Variants in IL1RAPL2 observed in about 807,000 individuals in gnomAD.
IL1RAPL2 encodes the protein interleukin 1 receptor accessory protein like 2, also known as X-linked interleukin-1 receptor accessory protein-like 2.
A neutral mutation model predicts 44.1 loss-of-function variants in IL1RAPL2; 3 were observed. The ratio of observed to expected loss-of-function variants is 0.07; its 90% CI spans 0.03 to 0.18. The LOEUF is 0.18. Among genes scored for constraint, IL1RAPL2 ranks in the 10% least tolerant of loss-of-function variants. The pLI, the probability that IL1RAPL2 is intolerant of heterozygous loss-of-function variation, is 1.00. For missense variants in IL1RAPL2, 391 were observed against 496.4 expected (o/e 0.79, Z 2.02); for synonymous variants, 181 against 178.8 (o/e 1.01, Z -0.10).
chrX:104,914,072 TA>T (rs1455988808), intron 2 of IL1RAPL2, among the ~76,000 whole-genome samples: 3 of 111,681 alleles, frequency 2.7e-5, no homozygotes, highest in Non-Finnish European at 5.6e-5. Flanking sequence ...CTGCCTGCAA[TA>T]AGATCACTTT....
chrX:104,829,521 C>T (rs1295646607), intron 2 of IL1RAPL2, among the ~76,000 whole-genome samples: 1 of 112,359 alleles, frequency 8.9e-6, no homozygotes, highest in East Asian at 2.8e-4. Context: ...GCAGAAATCA[C>T]CCACCTTCTG....
At chrX:105,004,784 A>G (rs1010336783) in intron 2 of IL1RAPL2, among the ~76,000 whole-genome samples, 2 of 111,108 alleles carry the variant, frequency 1.8e-5, no homozygotes. Flanking sequence ...ATGTATTACT[A>G]CAATTTGCCT....
rs998768167 is a variant in IL1RAPL2 at position 104,609,211 on chromosome X, A to T, written c.-20+42160A>T. 1.2e-4 allele frequency among the ~76,000 whole-genome samples: 14 copies of T among 112,367 alleles called. No individual in the cohort carries two copies. In the East Asian group the frequency reaches 2.0e-3, roughly 16 times the overall value. On this transcript the variant is annotated intron_variant, in intron 1 of 10. Coordinates refer to ENST00000372582, the MANE Select transcript of IL1RAPL2 (RefSeq NM_017416.2). Reference sequence around the variant, plus strand: ...CTCTTCTGGCTTGCAGGGTTTCTGCAGAGTGATCTGCTGTTAGTCTGATGG... The same window carrying T: ...CTCTTCTGGCTTGCAGGGTTTCTGCTGAGTGATCTGCTGTTAGTCTGATGG...
intron 4 of IL1RAPL2, among the ~76,000 whole-genome samples, chrX:105,265,197 C>T (rs935693646): frequency 5.4e-5 from 6 of 111,796 alleles, no homozygotes; most frequent in African/African-American, 1.9e-4. Context: ...GGCTTATTTG[C>T]CCACCCCCAC....
chrX:105,512,852 G>C (rs2036480585), intron 6 of IL1RAPL2, among the ~76,000 whole-genome samples: 1 of 110,593 alleles, frequency 9.0e-6, no homozygotes, highest in South Asian at 3.8e-4. Flanking sequence ...CATGTGCCAT[G>C]GTGGTTTGCT....
In IL1RAPL2 at chrX:105,444,493, T is replaced by C. The variant is rs369200058; in HGVS notation, c.698-39820T>C. Among the ~76,000 whole-genome samples, 9 of 111,579 alleles carry C rather than the reference T, an allele frequency of 8.1e-5. No individual in the cohort carries two copies. In the East Asian group the frequency reaches 2.5e-3, roughly 31 times the overall value. ...GTCTGAGGTTTTAGACATAAATCTT[T>C]AATTCATTTTGATTTGATTTTTGTA... On this transcript the variant is annotated intron_variant, in intron 5 of 10. Coordinates refer to ENST00000372582, the MANE Select transcript of IL1RAPL2 (RefSeq NM_017416.2).
intron 5 of IL1RAPL2, among the ~76,000 whole-genome samples, chrX:105,398,767 C>G (rs751516201): frequency 1.4e-4 from 16 of 111,590 alleles, no homozygotes; most frequent in Admixed American, 1.4e-3. Flanking sequence ...TTTTCAGTGC[C>G]TTTCTACAGC....
chrX:105,326,641 TA>T (rs2034941509), intron 5 of IL1RAPL2, among the ~76,000 whole-genome samples: 1 of 111,828 alleles, frequency 8.9e-6, no homozygotes, highest in African/African-American at 3.2e-5. Flanking sequence ...TAGCACCATC[TA>T]AAAACTATTT....
Position 105,614,412 on chromosome X carries a change from T to G in IL1RAPL2, c.773-102955T>G, listed in dbSNP as rs371333852. Among the ~76,000 whole-genome samples the G allele has an allele frequency of 8.9e-5, 10 of 111,961 alleles. No homozygotes were observed. In the East Asian group the frequency reaches 2.8e-3, roughly 32 times the overall value. ...AGGAGTCACATTATCTGATTTTAAT[T>G]TATAATTCAGAACTATAGTAATCAA... On this transcript the variant is annotated intron_variant, in intron 6 of 10. Coordinates refer to ENST00000372582, the MANE Select transcript of IL1RAPL2 (RefSeq NM_017416.2).
At chrX:105,470,307 C>G (rs2036157835) in intron 5 of IL1RAPL2, among the ~76,000 whole-genome samples, 1 of 111,617 alleles carries the variant, frequency 9.0e-6, no homozygotes, top group African/African-American at 3.3e-5. Context: ...AGTTGAGGAA[C>G]CTAAGCAATA....
At chrX:104,807,799 CT>C (rs1012286496) in intron 2 of IL1RAPL2, among the ~76,000 whole-genome samples, 6 of 109,961 alleles carry the variant, frequency 5.5e-5, no homozygotes, top group East Asian at 5.7e-4. Context: ...GTCTCTGTAT[CT>C]TTTTTTTTAA....
chrX:104,671,796 A>G (rs907147390), intron 2 of IL1RAPL2, among the ~76,000 whole-genome samples: 2 of 111,701 alleles, frequency 1.8e-5, no homozygotes, highest in Admixed American at 9.5e-5. Flanking sequence ...TCATTAAACA[A>G]CCTTGAAAAA....
At chrX:105,214,681 C>T (rs782255393) in intron 3 of IL1RAPL2, among the ~76,000 whole-genome samples, 2 of 112,019 alleles carry the variant, frequency 1.8e-5, no homozygotes, top group South Asian at 7.5e-4. Flanking sequence ...ACATTCTTCT[C>T]AGTGCCACAT....
rs770213053 is a variant in IL1RAPL2 at position 105,741,892 on chromosome X, T to C, written c.1048+1201T>C. Among the ~76,000 whole-genome samples, 8 of 111,423 alleles carry C rather than the reference T, an allele frequency of 7.2e-5. No individual in the cohort carries two copies. The South Asian group carries it at 1.1e-3, about 16-fold the overall frequency. On this transcript the variant is annotated intron_variant, in intron 8 of 10. Transcript: ENST00000372582. ...CTTTGAGGTTCAAATAATAATGATA[T>C]AATGGGTGTGAAATATGCCATGACC...
chrX:105,520,923 C>CTTTCTT (rs2036550531), intron 6 of IL1RAPL2, among the ~76,000 whole-genome samples: 3 of 52,358 alleles, frequency 5.7e-5, no homozygotes, highest in African/African-American at 2.2e-4. Flanking sequence ...TTCTTTCTTT[C>CTTTCTT]TTTTTTTTTT....
intron 7 of IL1RAPL2, among the ~76,000 whole-genome samples, chrX:105,731,143 AAAAG>A (rs1330795455): frequency 3.6e-5 from 4 of 111,356 alleles, no homozygotes; most frequent in African/African-American, 1.3e-4. Flanking sequence ...AACCAAGAAT[AAAAG>A]AAAGAATACC....
chrX:104,906,162 G>A (rs1408748902), intron 2 of IL1RAPL2, among the ~76,000 whole-genome samples: 48 of 111,327 alleles, frequency 4.3e-4, no homozygotes, highest in African/African-American at 1.4e-3. Context: ...TTTGTATCCT[G>A]AGACTTTGCT....
rs777231345 is a variant in IL1RAPL2 at position 105,749,048 on chromosome X, C to T, written c.1137C>T (p.Asn379=). 1 of 1,208,978 alleles carries T rather than the reference C, an allele frequency of 8.3e-7. No homozygotes were observed. The highest frequency in any genetic ancestry group is 1.7e-5 in the African/African-American group (1 of 57,765). ...TGGTGGTCATTTACAAATGCTACAA[C>T]ATTGAATTGATGCTCTTCTACAGGC... ...VLLVVIYKCY[N]IELMLFYRQH... is the part of the protein sequence containing the mutation. The change falls in exon 9 of 11, where the codon AAC becomes AAT. Residue 379 remains asparagine, a synonymous_variant. Transcript: ENST00000372582.
At chrX:105,627,455 G>A (rs887732070) in intron 6 of IL1RAPL2, among the ~76,000 whole-genome samples, 10 of 111,211 alleles carry the variant, frequency 9.0e-5, no homozygotes, top group Non-Finnish European at 1.1e-4. Flanking sequence ...GTTAGGCAAC[G>A]CTGCTTTCAA....
Sources: gnomAD v4.1 joint callset for allele counts (sites outside exome capture counted in the v4.1 genomes callset) on GRCh38, gnomAD v4.1.1 for gene constraint, MANE v1.5 for transcripts, NCBI Gene and HGNC (gene_info 2026-07-23, HGNC 2026-07-21) for gene names.